The following ABCC8 variants were observed in gnomAD, a reference collection of about 807,000 sequenced individuals.
ABCC8 encodes ATP binding cassette subfamily C member 8, also known as ATP-binding cassette sub-family C member 8.
Under a neutral mutation model 188.0 loss-of-function variants are expected in ABCC8, and 137 were observed. That is an observed-to-expected ratio of 0.73 (90% confidence interval 0.63 to 0.84). The LOEUF (loss-of-function observed/expected upper bound fraction) is 0.84, where lower values mean the gene tolerates loss of function less well. Ranked by LOEUF, ABCC8 falls within the 40% of genes least tolerant of loss-of-function variation. ABCC8 has a pLI of 0.00. For synonymous variants in ABCC8, 797 were observed against 846.5 expected, an observed-to-expected ratio of 0.94 and a Z score of 1.01; for missense variants, 1,750 against 2,072.7, an observed-to-expected ratio of 0.84 and a Z score of 3.02.
rs201499958 is a variant in ABCC8, at chr11:17,407,075, C to A, written c.2975G>T (p.Arg992Leu). ...GCAGGCTCGCCATGGGATCTCAGCA[C>A]GCTGGTGCAGCATGGACGACAGGTT... Reference protein sequence around the residue: ...DDNLSSMLHQRAEIPWRACAK... With the variant: ...DDNLSSMLHQLAEIPWRACAK... Residue 992 changes from arginine (R) to leucine (L), a missense_variant, in exon 25 of 39, where the codon CGT (arginine) becomes CTT (leucine). Physicochemically the swap from Arg to Leu is moderately radical, Grantham distance 102. Coordinates refer to ENST00000389817, the MANE Select transcript of ABCC8 (RefSeq NM_000352.6). 6.2e-7 allele frequency: 1 copy of A among 1,614,010 alleles called. No homozygotes were observed. Among genetic ancestry groups the A allele is most frequent in the Admixed American group, 1.7e-5 (1 of 60,034 alleles).
At chr11:17,410,282 A>T (rs1160589796) in intron 22 of ABCC8, 1 of 535,066 alleles carries the variant, frequency 1.9e-6, no homozygotes, top group Non-Finnish European at 3.4e-6. Flanking sequence ...TGAGTGTACC[A>T]TGGGGGGCCC....
At chr11:17,476,360 T>G (rs1005084535) in intron 1 of ABCC8, among the ~76,000 whole-genome samples, 1 of 152,212 alleles carries the variant, frequency 6.6e-6, no homozygotes, top group Non-Finnish European at 1.5e-5. Flanking sequence ...ATCCCAGCTC[T>G]TGGCCCTGCA....
chr11:17,439,055 A>G (rs1446603047), intron 10 of ABCC8, among the ~76,000 whole-genome samples: 1 of 152,206 alleles, frequency 6.6e-6, no homozygotes, highest in Non-Finnish European at 1.5e-5. Flanking sequence ...GAGAACGGGG[A>G]GAACATCTTA....
In ABCC8 at chr11:17,442,855, T is replaced by C; in HGVS notation, c.1495A>G (p.Thr499Ala). 1 of 1,613,840 alleles carries C rather than the reference T, an allele frequency of 6.2e-7. No individual in the cohort carries two copies. The highest frequency in any genetic ancestry group is 8.5e-7 in the Non-Finnish European group (1 of 1,180,022). Residue 499 changes from threonine (T) to alanine (A), a missense_variant, in exon 10 of 39, where the codon ACC becomes GCC. Thr to Ala is a moderately conservative substitution (Grantham distance 58). Coordinates refer to ENST00000389817, the MANE Select transcript of ABCC8 (RefSeq NM_000352.6). The part of the protein sequence containing the change: ...LEYSNERLKQ[T>A]NEMLRGIKLL... ...TTGATGCCGCGGAGCATCTCGTTGG[T>C]CTGCTTCAGCCGCTCATTGGAATAC...
rs200977997 is a variant in ABCC8 at position 17,442,837 on chromosome 11, C to T, written c.1513G>A (p.Gly505Ser). ...RLKQTNEMLRGIKLLKLYAWE... is the reference protein window; with the variant it reads ...RLKQTNEMLRSIKLLKLYAWE... Reference sequence around the variant, plus strand: ...GCGTACAGCTTCAGCAGCTTGATGCCGCGGAGCATCTCGTTGGTCTGCTTC... The same window carrying T: ...GCGTACAGCTTCAGCAGCTTGATGCTGCGGAGCATCTCGTTGGTCTGCTTC... The change falls in exon 10 of 39, where the codon GGC becomes AGC. Residue 505 changes from glycine (G) to serine (S), a missense_variant. Transcript: ENST00000389817. 34 of 1,613,952 alleles carry T rather than the reference C, an allele frequency of 2.1e-5. No homozygotes were observed. Among genetic ancestry groups the T allele is most frequent in the South Asian group, 4.4e-5 (4 of 91,056 alleles).
intron 4 of ABCC8, 123 bp downstream of exon 4, chr11:17,463,315 G>C: frequency 1.2e-6 from 1 of 835,058 alleles, no homozygotes; most frequent in Non-Finnish European, 1.9e-6. Context: ...TTACACGGGC[G>C]GGTAAAACAA....
At chr11:17,424,424 G>A (rs1471717116) in intron 16 of ABCC8, among the ~76,000 whole-genome samples, 3 of 152,214 alleles carry the variant, frequency 2.0e-5, no homozygotes, top group Non-Finnish European at 4.4e-5. Context: ...AGAGAGAGGG[G>A]CAGCAGTCAG....
At chr11:17,442,642 C>G (rs1956360453) in intron 10 of ABCC8, 78 bp downstream of exon 10, 2 of 1,447,830 alleles carry the variant, frequency 1.4e-6, no homozygotes, top group Admixed American at 3.3e-5. Flanking sequence ...CCCTGCACCC[C>G]CTCTTACCCG....
chr11:17,459,346 T>G (rs1957103689), intron 6 of ABCC8, among the ~76,000 whole-genome samples: 1 of 152,194 alleles, frequency 6.6e-6, no homozygotes, highest in Admixed American at 6.5e-5. Flanking sequence ...TCATAACTAT[T>G]GCTTTCATAT....
At chr11:17,451,705 C>G (rs1956821825) in intron 7 of ABCC8, among the ~76,000 whole-genome samples, 1 of 152,258 alleles carries the variant, frequency 6.6e-6, no homozygotes. Flanking sequence ...ATAGCTGCAT[C>G]TAGTTATTCC....
At chr11:17,398,559 G>A (rs1954065153) in intron 29 of ABCC8, 118 bp from the exon 30 acceptor site, 2 of 1,549,568 alleles carry the variant, frequency 1.3e-6, no homozygotes, top group Non-Finnish European at 1.7e-6. Context: ...ATGCCACCGT[G>A]GCCACTTCAT....
At chr11:17,439,673 C>T (rs1956238327) in intron 10 of ABCC8, among the ~76,000 whole-genome samples, 1 of 152,158 alleles carries the variant, frequency 6.6e-6, no homozygotes, top group Non-Finnish European at 1.5e-5. Context: ...GCAAACAGCA[C>T]TTGACTTTCA....
intron 27 of ABCC8, among the ~76,000 whole-genome samples, 154 bp downstream of exon 27, chr11:17,405,340 C>T (rs1191036540): frequency 6.6e-6 from 1 of 152,248 alleles, no homozygotes; most frequent in Admixed American, 6.5e-5. Flanking sequence ...GAGGCCCCAG[C>T]CCTGAAGCAG....
chr11:17,414,757 G>A, intron 18 of ABCC8, 147 bp from the exon 19 acceptor site: 4 of 1,450,552 alleles, frequency 2.8e-6, no homozygotes, highest in Non-Finnish European at 3.7e-6. Context: ...GGCCTCTGGT[G>A]GCCTTGCCTT....
Position 17,398,321 on chromosome 11 carries a change from G to C in ABCC8, c.3753+18C>G. ...CACCCTCCTATCAGAGGCCAGGGTA[G>C]AGGGGAATAGCACTTGCCATTCGGA... On this transcript the variant is annotated intron_variant, in intron 30 of 38. Transcript: ENST00000389817. The C allele has an allele frequency of 3.1e-6, 5 of 1,614,000 alleles. No homozygotes were observed. Among genetic ancestry groups the C allele is most frequent in the Non-Finnish European group, 4.2e-6 (5 of 1,179,902 alleles).
chr11:17,408,906 T>G (rs531285684), intron 22 of ABCC8, among the ~76,000 whole-genome samples: 1 of 151,954 alleles, frequency 6.6e-6, no homozygotes, highest in South Asian at 2.1e-4. Context: ...GCAAAGCACC[T>G]GCTGGTCTAA....
Position 17,395,279 on chromosome 11 carries a change from G to T in ABCC8, c.4308-4C>A. 1 of 1,579,632 alleles carries T rather than the reference G, an allele frequency of 6.3e-7. No homozygotes were observed. Among genetic ancestry groups the T allele is most frequent in the Non-Finnish European group, 8.6e-7 (1 of 1,160,868 alleles). ...CCTCTCAGGGTCCAGGTTAAATCTGGAAGTGGCACAGAAAGCCCCAGTAGG... is the reference window on the plus strand; with the variant it reads ...CCTCTCAGGGTCCAGGTTAAATCTGTAAGTGGCACAGAAAGCCCCAGTAGG... On this transcript the variant is annotated splice_region_variant and splice_polypyrimidine_tract_variant and intron_variant, in intron 35 of 38. Transcript: ENST00000389817.
chr11:17,450,318 C>CTT (rs1402564008), intron 7 of ABCC8, among the ~76,000 whole-genome samples: 3 of 114,086 alleles, frequency 2.6e-5, no homozygotes, highest in African/African-American at 1.1e-4. Flanking sequence ...TTCTTTCTTT[C>CTT]TTTCTTTCTC....
rs974095111 is a variant in ABCC8 at position 17,404,309 on chromosome 11, C to T, written c.3557+203G>A. On this transcript the variant is annotated intron_variant, in intron 28 of 38. Coordinates refer to ENST00000389817, the MANE Select transcript of ABCC8 (RefSeq NM_000352.6). This position sits in a 1 kb window ranked among gnomAD's most constrained non-coding sequence, Gnocchi z 4.7. ...CCCAAGGAAATAATTCAGATGTCAACCTCAGTGTGTGCGTGTGTTGGCAGA... is the reference window on the plus strand; with the variant it reads ...CCCAAGGAAATAATTCAGATGTCAATCTCAGTGTGTGCGTGTGTTGGCAGA... Among the ~76,000 whole-genome samples the T allele has an allele frequency of 7.2e-5, 11 of 152,182 alleles. No homozygotes were observed. Among genetic ancestry groups the T allele is most frequent in the Non-Finnish European group, 2.9e-5 (2 of 68,048 alleles).
Sources: gnomAD v4.1 joint callset for allele counts (sites outside exome capture counted in the v4.1 genomes callset) on GRCh38, gnomAD v4.1.1 for gene constraint, Gnocchi (gnomAD v3.1) non-coding constraint, MANE v1.5 for transcripts, NCBI Gene and HGNC (gene_info 2026-07-23, HGNC 2026-07-21) for gene names.